Variants in BCKDHB observed in about 807,000 individuals in gnomAD.
BCKDHB encodes 2-oxoisovalerate dehydrogenase subunit beta, mitochondrial.
A neutral mutation model predicts 48.5 loss-of-function variants in BCKDHB; 41 were observed. The ratio of observed to expected loss-of-function variants is 0.85; its 90% confidence interval spans 0.66 to 1.10. BCKDHB has a LOEUF of 1.10. BCKDHB is among the 50% of genes least tolerant of loss of function. BCKDHB has a pLI of 0.00. For missense variants in BCKDHB, 496 were observed against 494.2 expected, an observed-to-expected ratio of 1.00 and a Z score of -0.03; for synonymous variants, 201 against 174.8, an observed-to-expected ratio of 1.15 and a Z score of -1.18.
At chr6:80,386,664 A>G in the BCKDHB span, among the ~76,000 whole-genome samples, 2 of 152,218 alleles carry the variant, frequency 1.3e-5, no homozygotes, top group East Asian at 3.9e-4. Flanking sequence ...ACTGTGATTG[A>G]CAGCAGAGGT....
intron 3 of BCKDHB, among the ~76,000 whole-genome samples, chr6:80,142,758 C>G (rs1011523004): frequency 1.3e-5 from 2 of 152,040 alleles, no homozygotes; most frequent in African/African-American, 4.8e-5. Context: ...TTGTCAGAGT[C>G]ATTTTTCTTT....
intron 1 of BCKDHB, among the ~76,000 whole-genome samples, chr6:80,107,518 T>TATATGTATGCAC (rs1554181351): frequency 8.2e-6 from 1 of 121,686 alleles, no homozygotes; most frequent in Non-Finnish European, 1.6e-5. Flanking sequence ...TGTGCGCATA[T>TATATGTATGCAC]ATATATATAT....
intron 3 of BCKDHB, among the ~76,000 whole-genome samples, chr6:80,157,881 A>C (rs1011678391): frequency 6.6e-6 from 1 of 152,166 alleles, no homozygotes; most frequent in Non-Finnish European, 1.5e-5. Flanking sequence ...GTACATATCT[A>C]TTTCAACTAA....
intron 8 of BCKDHB, among the ~76,000 whole-genome samples, chr6:80,228,010 G>A (rs1775752753): frequency 6.6e-6 from 1 of 152,150 alleles, no homozygotes; most frequent in Non-Finnish European, 1.5e-5. Flanking sequence ...GGTACACACT[G>A]AGCATACAGC....
the BCKDHB span, among the ~76,000 whole-genome samples, chr6:80,409,527 G>T: frequency 8.4e-6 from 1 of 118,820 alleles, no homozygotes; most frequent in Non-Finnish European, 1.7e-5. Context: ...TCTCTTTGTA[G>T]GTCTCTAAGG....
chr6:80,177,225 CAAAAAA>C lies in BCKDHB; in HGVS notation c.742+5860_742+5865del, dbSNP rs575991853. Reference sequence around the variant, plus strand: ...CCTGGATGACAGTGAGACCTTGTCTCAAAAAAAAAAAAAAAAAAAAAAAAAAAAAAG... The same window carrying C: ...CCTGGATGACAGTGAGACCTTGTCTCAAAAAAAAAAAAAAAAAAAAAAAAG... On this transcript the variant is annotated intron_variant, in intron 6 of 9. Transcript: ENST00000320393. 5.8e-4 allele frequency among the ~76,000 whole-genome samples: 25 copies of C among 43,148 alleles called. 1 individual carries two copies. Among genetic ancestry groups the C allele is most frequent in the African/African-American group, 2.3e-3 (24 of 10,452 alleles). 28.3% of individuals were successfully genotyped at this position (43,148 alleles called of 152,430 possible).
intron 8 of BCKDHB, among the ~76,000 whole-genome samples, chr6:80,272,536 C>G (rs1777790992): frequency 6.6e-6 from 1 of 152,092 alleles, no homozygotes; most frequent in African/African-American, 2.4e-5. Flanking sequence ...CCACATTGAA[C>G]AACTATTGAG....
chr6:80,417,024 A>G, the BCKDHB span, among the ~76,000 whole-genome samples: 1 of 152,050 alleles, frequency 6.6e-6, no homozygotes, highest in Non-Finnish European at 1.5e-5. Context: ...TGCTTTATGA[A>G]TCTGGGTGCT....
chr6:80,201,318 T>G (rs1774385428), intron 7 of BCKDHB, among the ~76,000 whole-genome samples: 3 of 152,082 alleles, frequency 2.0e-5, no homozygotes, highest in African/African-American at 4.8e-5. Flanking sequence ...ATAGTTACTA[T>G]TTTGTGTGTG....
intron 1 of BCKDHB, among the ~76,000 whole-genome samples, chr6:80,123,545 TATTA>T (rs879890304): frequency 2.0e-5 from 3 of 152,214 alleles, no homozygotes; most frequent in Non-Finnish European, 4.4e-5. Context: ...GTTGGTAGGC[TATTA>T]ATTATTGCCT....
At chr6:80,324,022 T>G (rs1467281786) in intron 9 of BCKDHB, among the ~76,000 whole-genome samples, 1 of 152,158 alleles carries the variant, frequency 6.6e-6, no homozygotes, top group African/African-American at 2.4e-5. Context: ...TCCACCTGCC[T>G]CGGCCTCCCA....
chr6:80,286,963 C>T (rs1410964951), intron 9 of BCKDHB, among the ~76,000 whole-genome samples: 1 of 152,032 alleles, frequency 6.6e-6, no homozygotes, highest in African/African-American at 2.4e-5. Context: ...ATCTATATTA[C>T]AATAATTTTC....
the BCKDHB span, among the ~76,000 whole-genome samples, chr6:80,431,275 G>C: frequency 3.3e-5 from 5 of 152,186 alleles, no homozygotes; most frequent in Non-Finnish European, 7.4e-5. Flanking sequence ...GCAATGAGTT[G>C]CTGAGAAGAA....
At chr6:80,226,688 G>A (rs1002707450) in intron 8 of BCKDHB, among the ~76,000 whole-genome samples, 4 of 152,172 alleles carry the variant, frequency 2.6e-5, no homozygotes, top group African/African-American at 9.7e-5. Flanking sequence ...ACTTGTTTTA[G>A]TGAATGGGTG....
intron 9 of BCKDHB, among the ~76,000 whole-genome samples, chr6:80,305,367 T>G (rs563883302): frequency 6.6e-6 from 1 of 152,200 alleles, no homozygotes; most frequent in African/African-American, 2.4e-5. Flanking sequence ...TTAATGGATC[T>G]CTAGAGTCAG....
chr6:80,395,404 T>A, the BCKDHB span, among the ~76,000 whole-genome samples: 1 of 152,182 alleles, frequency 6.6e-6, no homozygotes, highest in East Asian at 1.9e-4. Flanking sequence ...TGATGTCAGA[T>A]GGAGAAGGGA....
intron 8 of BCKDHB, among the ~76,000 whole-genome samples, chr6:80,253,345 G>A (rs1400642308): frequency 6.6e-6 from 1 of 152,210 alleles, no homozygotes; most frequent in African/African-American, 2.4e-5. Flanking sequence ...CAGATCTAGA[G>A]AGGAAGGTTG....
At chr6:80,171,479 G>A (rs1772914003) in intron 6 of BCKDHB, 89 bp downstream of exon 6, 1 of 738,236 alleles carries the variant, frequency 1.4e-6, no homozygotes, top group Non-Finnish European at 2.1e-6. Context: ...TTTTCTATAT[G>A]GTTGATTTAT....
intron 8 of BCKDHB, among the ~76,000 whole-genome samples, chr6:80,213,328 G>A (rs1775023594): frequency 6.6e-6 from 1 of 152,046 alleles, no homozygotes; most frequent in East Asian, 1.9e-4. Flanking sequence ...TTATTTATTT[G>A]AATTCTTATT....
Sources: gnomAD v4.1 joint callset for allele counts (sites outside exome capture counted in the v4.1 genomes callset) on GRCh38, gnomAD v4.1.1 for gene constraint, MANE v1.5 for transcripts, NCBI Gene and HGNC (gene_info 2026-07-23, HGNC 2026-07-21) for gene names.